ANO1: variants seen among roughly 807,000 people sequenced by gnomAD.
ANO1 encodes anoctamin-1.
ANO1 carries 59 observed loss-of-function variants against 124.0 expected under a neutral mutation model. The observed-to-expected ratio is 0.48, with a 90% CI of 0.39 to 0.59. The LOEUF is 0.59. ANO1 is among the 20% of genes least tolerant of loss of function. ANO1 has a pLI of 0.00. For synonymous variants in ANO1, 529 were observed against 532.0 expected, an observed-to-expected ratio of 0.99 and a Z score of 0.08; for missense variants, 1,059 against 1,328.0, an observed-to-expected ratio of 0.80 and a Z score of 3.15.
chr11:70,168,195 T>C (rs887077932), intron 21 of ANO1, among the ~76,000 whole-genome samples: 1 of 152,198 alleles, frequency 6.6e-6, no homozygotes, highest in African/African-American at 2.4e-5. Flanking sequence ...CCTCCTGCAC[T>C]CTGCACATGC....
chr11:69,996,637 G>A (rs187722658), intron 1 of ANO1, among the ~76,000 whole-genome samples: 12 of 152,332 alleles, frequency 7.9e-5, no homozygotes, highest in African/African-American at 2.6e-4. Context: ...CAGGTGGAAA[G>A]TAGAGCTCAG....
intron 1 of ANO1, among the ~76,000 whole-genome samples, chr11:70,010,120 G>T (rs1856563566): frequency 7.0e-6 from 1 of 142,820 alleles, no homozygotes; most frequent in Non-Finnish European, 1.5e-5. Flanking sequence ...TTTTATGGCG[G>T]AGTAGTATTC....
intron 1 of ANO1, among the ~76,000 whole-genome samples, chr11:70,026,476 G>C (rs1263323743): frequency 1.3e-5 from 2 of 151,754 alleles, no homozygotes; most frequent in African/African-American, 2.4e-5. Context: ...TGAAGATGGT[G>C]GTGGTGGTGA....
intron 1 of ANO1, among the ~76,000 whole-genome samples, chr11:69,991,457 G>GC (rs1554997480): frequency 6.6e-6 from 1 of 152,084 alleles, no homozygotes; most frequent in South Asian, 2.1e-4. Flanking sequence ...AGAGGAGCCT[G>GC]CCCCCCTGTC....
chr11:70,084,050 G>T (rs112259983), intron 1 of ANO1, among the ~76,000 whole-genome samples: 5 of 152,318 alleles, frequency 3.3e-5, no homozygotes, highest in African/African-American at 1.2e-4. Context: ...AGGCAAGGAG[G>T]AGGGACTGGG....
chr11:70,124,545 G>A, intron 9 of ANO1, 131 bp downstream of exon 9: 2 of 894,428 alleles, frequency 2.2e-6, no homozygotes, highest in Non-Finnish European at 1.7e-6. Flanking sequence ...AGCTTGTGTA[G>A]GAAGACCCAA....
intron 8 of ANO1, 174 bp downstream of exon 8, chr11:70,116,673 C>G: frequency 1.7e-6 from 1 of 595,192 alleles, no homozygotes; most frequent in Non-Finnish European, 3.0e-6. Context: ...GAGAAAAGTC[C>G]GTGAGCTTTG....
At chr11:69,991,863 G>T (rs782740590) in intron 1 of ANO1, among the ~76,000 whole-genome samples, 2 of 152,168 alleles carry the variant, frequency 1.3e-5, no homozygotes, top group Non-Finnish European at 2.9e-5. Flanking sequence ...GTTGTAGAAG[G>T]GTTCTAATTC....
chr11:70,012,862 C>A lies in ANO1; in HGVS notation c.58+26696C>A, dbSNP rs188138460. The stretch of plus-strand genomic sequence containing the variant: ...TCCATCCATTCATTTGCTTTTTCAT[C>A]CATCCATCCTTTCATTCACAGTGAG... On this transcript the variant is annotated intron_variant, in intron 1 of 27. Coordinates refer to the ANO1 transcript ENST00000531349. 2.3e-4 allele frequency among the ~76,000 whole-genome samples: 35 copies of A among 152,350 alleles called. 1 individual carries two copies. The highest frequency in any genetic ancestry group is 6.2e-4 in the South Asian group (3 of 4,830).
chr11:70,094,236 C>A (rs757902042), intron 2 of ANO1, among the ~76,000 whole-genome samples: 1 of 152,190 alleles, frequency 6.6e-6, no homozygotes. Flanking sequence ...GAGACCCCGC[C>A]CCTGCCCGCC....
chr11:70,127,112 G>A, intron 10 of ANO1, among the ~76,000 whole-genome samples: 1 of 145,238 alleles, frequency 6.9e-6, no homozygotes, highest in Non-Finnish European at 1.5e-5. Context: ...CCTCGGTGCA[G>A]TCTGGTGCTC....
intron 1 of ANO1, among the ~76,000 whole-genome samples, chr11:69,994,452 A>G (rs1856222734): frequency 6.6e-6 from 1 of 152,106 alleles, no homozygotes; most frequent in African/African-American, 2.4e-5. Flanking sequence ...AGATGGAAGA[A>G]TGGAGGAATG....
At chr11:70,150,124 C>A (rs772686911) in intron 12 of ANO1, among the ~76,000 whole-genome samples, 2 of 152,180 alleles carry the variant, frequency 1.3e-5, no homozygotes, top group Non-Finnish European at 2.9e-5. Flanking sequence ...CCTGGGCTGT[C>A]GGCACCACCC....
intron 7 of ANO1, among the ~76,000 whole-genome samples, chr11:70,116,207 G>A (rs1018699802): frequency 5.9e-5 from 9 of 152,200 alleles, no homozygotes; most frequent in Non-Finnish European, 1.0e-4. Context: ...TCTGTGTCGA[G>A]GGAAGAGGCG....
intron 8 of ANO1, 87 bp downstream of exon 8, chr11:70,116,586 C>G (rs2045985073): frequency 1.4e-6 from 2 of 1,389,814 alleles, no homozygotes; most frequent in Non-Finnish European, 2.0e-6. Context: ...GGACCGAGGA[C>G]TTACCGGCCT....
chr11:70,041,744 TG>T lies in ANO1; in HGVS notation c.59-36797del, dbSNP rs1857186261. Among the ~76,000 whole-genome samples, 3 of 152,086 alleles carry T rather than the reference TG, an allele frequency of 2.0e-5. No homozygotes were observed. In the South Asian group the frequency reaches 6.2e-4, roughly 32 times the overall value. On this transcript the variant is annotated intron_variant, in intron 1 of 27. Coordinates refer to the ANO1 transcript ENST00000531349. ...AAATATGTTGAAAAAACAGTAATCCTGCTGTACTTCCTTCCCTATTAGTAGA... is the reference window on the plus strand; with the variant it reads ...AAATATGTTGAAAAAACAGTAATCCTCTGTACTTCCTTCCCTATTAGTAGA...
At chr11:70,119,770 G>A (rs748066770) in intron 8 of ANO1, among the ~76,000 whole-genome samples, 2 of 151,718 alleles carry the variant, frequency 1.3e-5, no homozygotes, top group African/African-American at 2.4e-5. Context: ...ATAGATGGAT[G>A]GGTGGATGGT....
At chr11:70,174,905 T>TA (rs1242824246) in intron 22 of ANO1, among the ~76,000 whole-genome samples, 1 of 130,946 alleles carries the variant, frequency 7.6e-6, no homozygotes, top group African/African-American at 3.0e-5. Flanking sequence ...CAGGTACAGC[T>TA]AAAAAAAGAA....
At chr11:70,052,531 C>CTTTTTTTTTTTTTTTTTTTTTTTT (rs200770702) in intron 1 of ANO1, among the ~76,000 whole-genome samples, 11 of 65,928 alleles carry the variant, frequency 1.7e-4, no homozygotes, top group African/African-American at 3.9e-4. Flanking sequence ...TTTTTCTTTT[C>CTTTTTTTTTTTTTTTTTTTTTTTT]TTTTTTTTTT....
Sources: gnomAD v4.1 joint callset for allele counts (sites outside exome capture counted in the v4.1 genomes callset) on GRCh38, gnomAD v4.1.1 for gene constraint, MANE v1.5 for transcripts, NCBI Gene and HGNC (gene_info 2026-07-23, HGNC 2026-07-21) for gene names.